Variants in NAPEPLD observed in about 807,000 individuals in gnomAD.
NAPEPLD encodes N-acyl phosphatidylethanolamine phospholipase D.
Under a neutral mutation model 38.1 loss-of-function variants are expected in NAPEPLD, and 23 were observed. The ratio of observed to expected loss-of-function variants is 0.60; its 90% CI spans 0.43 to 0.86. The LOEUF (loss-of-function observed/expected upper bound fraction) is 0.86, where lower values mean the gene tolerates loss of function less well. NAPEPLD is among the 40% of genes least tolerant of loss of function. The pLI, the probability that NAPEPLD is intolerant of heterozygous loss-of-function variation, is 0.00. For missense variants in NAPEPLD, 411 were observed against 476.8 expected (o/e 0.86, Z 1.28); for synonymous variants, 147 against 162.0 (o/e 0.91, Z 0.71).
chr7:103,126,403 A>C (rs1329144210), intron 2 of NAPEPLD, among the ~76,000 whole-genome samples: 1 of 152,216 alleles, frequency 6.6e-6, no homozygotes, highest in Non-Finnish European at 1.5e-5. Flanking sequence ...TAGACAAGTA[A>C]GATTCTATCA....
At chr7:103,111,028 A>C (rs2129527390) in intron 4 of NAPEPLD, among the ~76,000 whole-genome samples, 1 of 152,362 alleles carries the variant, frequency 6.6e-6, no homozygotes, top group South Asian at 2.1e-4. Flanking sequence ...AAGAGAATAA[A>C]ATACCTAGGA....
chr7:103,114,001 C>T (rs566909614), intron 4 of NAPEPLD, among the ~76,000 whole-genome samples: 193 of 148,282 alleles, frequency 1.3e-3, no homozygotes, highest in African/African-American at 4.3e-3. Flanking sequence ...TGGGTTCAGG[C>T]GATTCTCCTG....
rs1808294848 is a variant in NAPEPLD, at chr7:103,128,553, G to A, written c.224C>T (p.Pro75Leu). ...FVNPWPTWKN[P>L]SIPNVLRWLI... is the part of the protein sequence containing the mutation. ...CCATCTGAGAACATTTGGAATAGAGGGGTTTTTCCATGTTGGCCACGGATT... is the reference window on the plus strand; with the variant it reads ...CCATCTGAGAACATTTGGAATAGAGAGGTTTTTCCATGTTGGCCACGGATT... The change falls in exon 2 of 5, where the codon CCC (proline) becomes CTC (leucine). Residue 75 changes from proline to leucine, a missense_variant. Physicochemically the swap from Pro to Leu is moderately conservative, Grantham distance 98 (BLOSUM62 -3). Coordinates refer to ENST00000465647, the MANE Select transcript of NAPEPLD (RefSeq NM_001122838.3). The A allele has an allele frequency of 6.2e-7, 1 of 1,614,140 alleles. No individual in the cohort carries two copies. Among genetic ancestry groups the A allele is most frequent in the South Asian group, 1.1e-5 (1 of 91,074 alleles).
In NAPEPLD at chr7:103,115,172, C is replaced by G. The variant is rs772555693; in HGVS notation, c.944G>C (p.Trp315Ser). The change falls in exon 4 of 5, where the codon TGG (tryptophan) becomes TCG (serine). Residue 315 changes from tryptophan (W) to serine (S), a missense_variant and splice_region_variant. Transcript: ENST00000465647. ...AIPIGAYEPR[W>S]FMKYQHVDPE... is the part of the protein sequence containing the mutation. ...GTCTACATGCTGGTATTTCATAAAC[C>G]ACCTGAAGAAACATGGCAATTTCTT... The G allele has an allele frequency of 1.2e-6, 2 of 1,607,670 alleles. No individual in the cohort carries two copies. Among genetic ancestry groups the G allele is most frequent in the Non-Finnish European group, 1.7e-6 (2 of 1,176,264 alleles).
At chr7:103,128,184 T>C in intron 2 of NAPEPLD, 1 of 378,994 alleles carries the variant, frequency 2.6e-6, no homozygotes, top group South Asian at 5.6e-5. Flanking sequence ...TTTAGTTGAC[T>C]AGGCCCAGCT....
intron 1 of NAPEPLD, among the ~76,000 whole-genome samples, chr7:103,131,382 G>T (rs1162040044): frequency 6.6e-6 from 1 of 152,088 alleles, no homozygotes; most frequent in Non-Finnish European, 1.5e-5. Flanking sequence ...GAAGGGCCAG[G>T]CGCAGTGGCT....
At chr7:103,140,614 C>T (rs1290982956) in intron 1 of NAPEPLD, among the ~76,000 whole-genome samples, 1 of 151,924 alleles carries the variant, frequency 6.6e-6, no homozygotes, top group Non-Finnish European at 1.5e-5. Flanking sequence ...AGGACGGTCT[C>T]AATCTCCTGA....
rs766596571 is a variant in NAPEPLD at position 103,119,665 on chromosome 7, T to C, written c.853A>G (p.Thr285Ala). 4 of 1,614,162 alleles carry C rather than the reference T, an allele frequency of 2.5e-6. No individual in the cohort carries two copies. In the Admixed American group the frequency reaches 6.7e-5, roughly 27 times the overall value. Residue 285 changes from threonine (T) to alanine (A), a missense_variant, in exon 3 of 5, where the codon ACT (threonine) becomes GCT (alanine). Physicochemically the swap from Thr to Ala is moderately conservative, Grantham distance 58 (BLOSUM62 0). Coordinates refer to ENST00000465647, the MANE Select transcript of NAPEPLD (RefSeq NM_001122838.3). ...TCTTCAAAAGCAGGGCAATAACCAG[T>C]ATCTCCTGCGAAAAAAAATCGATTC... Reference protein sequence around the residue: ...PWNRFFFAGDTGYCPAFEEIG... With the variant: ...PWNRFFFAGDAGYCPAFEEIG...
Position 103,100,018 on chromosome 7 carries a change from A to C in NAPEPLD, c.*3411T>G, listed in dbSNP as rs1802168318. ...AAGCTTTAAGAATACTTTAAATTTC[A>C]TTTGTAAATACATAGATGCAAGACT... is the stretch of plus-strand genomic sequence containing the variant. On this transcript the variant is annotated 3_prime_UTR_variant, in exon 5 of 5. Coordinates refer to ENST00000465647, the MANE Select transcript of NAPEPLD (RefSeq NM_001122838.3). 1 of 152,222 alleles carries C rather than the reference A, an allele frequency of 6.6e-6. No homozygotes were observed. The allele number at this position is 152,222 out of a possible 1,614,324, so 9.4% of individuals were successfully genotyped here. A position where few individuals can be genotyped will look rare whatever the true frequency, so the allele number is the denominator to read the frequency against.
rs770566639 is a variant in NAPEPLD at position 103,101,651 on chromosome 7, C to T, written c.*1778G>A. 3 of 152,490 alleles carry T rather than the reference C, an allele frequency of 2.0e-5. No individual in the cohort carries two copies. Among genetic ancestry groups the T allele is most frequent in the Admixed American group, 6.6e-5 (1 of 15,262 alleles). 9.4% of individuals were successfully genotyped at this position (152,490 alleles called of 1,614,324 possible). ...ATCTACACATTTTTCAGAGGTAGGT[C>T]GGAATTATCCTCTTGTTGCAAATGA... On this transcript the variant is annotated 3_prime_UTR_variant, in exon 5 of 5. Coordinates refer to ENST00000465647, the MANE Select transcript of NAPEPLD (RefSeq NM_001122838.3).
At chr7:103,120,787 C>G (rs978043122) in intron 2 of NAPEPLD, among the ~76,000 whole-genome samples, 1 of 134,522 alleles carries the variant, frequency 7.4e-6, no homozygotes, top group African/African-American at 2.7e-5. Context: ...AATCACAGCT[C>G]TCTACAGCCA....
chr7:103,128,883 T>A (rs1808372568), intron 1 of NAPEPLD, 91 bp from the exon 2 acceptor site: 1 of 1,321,726 alleles, frequency 7.6e-7, no homozygotes, highest in Non-Finnish European at 1.0e-6. Flanking sequence ...TAAAAATTTC[T>A]CTAAACTTAT....
At chr7:103,116,226 TA>T (rs774477044) in intron 3 of NAPEPLD, among the ~76,000 whole-genome samples, 96 of 152,196 alleles carry the variant, frequency 6.3e-4, no homozygotes, top group African/African-American at 1.8e-3. Flanking sequence ...CTCTCCCGGC[TA>T]ATTTTTTGTA....
intron 1 of NAPEPLD, among the ~76,000 whole-genome samples, chr7:103,131,942 C>T (rs113967010): frequency 7.9e-5 from 12 of 151,948 alleles, no homozygotes; most frequent in African/African-American, 2.9e-4. Flanking sequence ...AGTGAAGGCT[C>T]GTCTCTACTA....
chr7:103,148,973 C>G lies in NAPEPLD; in HGVS notation c.-179G>C. The G allele has an allele frequency of 1.0e-6, 1 of 985,370 alleles. No homozygotes were observed. The highest frequency in any genetic ancestry group is 1.2e-6 in the Non-Finnish European group (1 of 829,922). The allele number at this position is 985,370 out of a possible 1,614,324, so 61.0% of individuals were successfully genotyped here. On this transcript the variant is annotated 5_prime_UTR_variant, in exon 1 of 5. Transcript: ENST00000465647. ...CCGCAACTCGCGAGGTGCGAAAATT[C>G]AAATGAAGCCCTGTCGCTCACAAGT...
intron 3 of NAPEPLD, among the ~76,000 whole-genome samples, chr7:103,117,816 T>C (rs1805859634): frequency 6.6e-6 from 1 of 152,234 alleles, no homozygotes; most frequent in Non-Finnish European, 1.5e-5. Flanking sequence ...CACAAATATA[T>C]GTGACAAATT....
Position 103,102,593 on chromosome 7 carries a change from A to G in NAPEPLD, c.*836T>C, listed in dbSNP as rs1042790841. On this transcript the variant is annotated 3_prime_UTR_variant, in exon 5 of 5. Transcript: ENST00000465647. ...ACTCCTGGGTTCAAGTGACCCACCCACCTTGGCCTCCCAAAGTAAGAGGTC... is the reference window on the plus strand; with the variant it reads ...ACTCCTGGGTTCAAGTGACCCACCCGCCTTGGCCTCCCAAAGTAAGAGGTC... The G allele has an allele frequency of 6.6e-6, 1 of 151,504 alleles. No homozygotes were observed. Among genetic ancestry groups the G allele is most frequent in the African/African-American group, 2.4e-5 (1 of 41,160 alleles). The allele number at this position is 151,504 out of a possible 1,614,324, so 9.4% of individuals were successfully genotyped here.
At chr7:103,147,089 T>C (rs1370682255) in intron 1 of NAPEPLD, among the ~76,000 whole-genome samples, 2 of 152,216 alleles carry the variant, frequency 1.3e-5, no homozygotes, top group East Asian at 3.8e-4. Flanking sequence ...CCAAAGTCTG[T>C]TAGTAAAATA....
rs374611739 is a variant in NAPEPLD at position 103,103,601 on chromosome 7, T to G, written c.1057-47A>C. ...AAATAGAAAAAGATTAAACATATATTTGGGAGATTTTCCAAATAACAGTTC... is the reference window on the plus strand; with the variant it reads ...AAATAGAAAAAGATTAAACATATATGTGGGAGATTTTCCAAATAACAGTTC... On this transcript the variant is annotated intron_variant, in intron 4 of 4. Transcript: ENST00000465647. 2.1e-4 allele frequency: 318 copies of G among 1,544,546 alleles called. 3 individuals carry two copies. Among genetic ancestry groups the G allele is most frequent in the Non-Finnish European group, 2.9e-5 (34 of 1,156,712 alleles).
Sources: gnomAD v4.1 joint callset for allele counts (sites outside exome capture counted in the v4.1 genomes callset) on GRCh38, gnomAD v4.1.1 for gene constraint, MANE v1.5 for transcripts, NCBI Gene and HGNC (gene_info 2026-07-23, HGNC 2026-07-21) for gene names.